The following STARD3 variants were observed in gnomAD, a reference collection of about 807,000 sequenced individuals.
STARD3 encodes the protein stAR-related lipid transfer protein 3.
A neutral mutation model predicts 62.0 loss-of-function variants in STARD3; 39 were observed. The observed-to-expected ratio is 0.63, with a 90% CI of 0.49 to 0.82. STARD3 has a LOEUF of 0.82. Ranked by LOEUF, STARD3 falls within the 40% of genes least tolerant of loss-of-function variation. The pLI is 0.00. For synonymous variants in STARD3, 229 were observed against 242.4 expected (o/e 0.94, Z 0.51); for missense variants, 543 against 584.5 (o/e 0.93, Z 0.73).
chr17:39,651,872 C>G (rs1021979969), intron 1 of STARD3: 1 of 152,302 alleles, frequency 6.6e-6, no homozygotes, highest in South Asian at 2.1e-4. Flanking sequence ...CCGGCTTCCT[C>G]TCTGACTTTC....
Position 39,660,941 on chromosome 17 carries a change from C to G in STARD3, c.1035-40C>G. On this transcript the variant is annotated intron_variant, in intron 12 of 14. Transcript: ENST00000336308. The surrounding 1 kb of genome is among the most constrained non-coding windows in gnomAD (Gnocchi z 4.8). ...TCAGCCAGGTCTTCTGCACTTTGGCCTTGGGTCATTGTCCCCTGAACTAAC... is the reference window on the plus strand; with the variant it reads ...TCAGCCAGGTCTTCTGCACTTTGGCGTTGGGTCATTGTCCCCTGAACTAAC... 1 of 1,611,422 alleles carries G rather than the reference C, an allele frequency of 6.2e-7. No individual in the cohort carries two copies. The highest frequency in any genetic ancestry group is 8.5e-7 in the Non-Finnish European group (1 of 1,178,132).
rs556723011 is a variant in STARD3 at position 39,645,066 on chromosome 17, G to A, written c.-52+7835G>A. ...AATTGGAGGTGGGTGAGTGGGAGGC[G>A]GCTTAGCCATCCTGCTGTCCTCCTC... On this transcript the variant is annotated intron_variant, in intron 1 of 14. Transcript: ENST00000336308. Among the ~76,000 whole-genome samples the A allele has an allele frequency of 7.9e-5, 12 of 152,264 alleles. No individual in the cohort carries two copies. The South Asian group carries it at 2.1e-3, about 26-fold the overall frequency.
At chr17:39,653,798 G>A (rs2057101236) in intron 2 of STARD3, 48 bp downstream of exon 2, 1 of 1,606,996 alleles carries the variant, frequency 6.2e-7, no homozygotes, top group Non-Finnish European at 8.5e-7. Flanking sequence ...AGGCCACCCG[G>A]GCCTCAGTTT....
chr17:39,662,390 G>A, intron 14 of STARD3, 46 bp downstream of exon 14: 2 of 1,572,210 alleles, frequency 1.3e-6, no homozygotes, highest in Non-Finnish European at 1.7e-6. Context: ...GAGTGGAGGG[G>A]ACCCTGCTGC....
chr17:39,657,985 G>C lies in STARD3; in HGVS notation c.388G>C (p.Val130Leu), dbSNP rs1192716707. ...HWWVIAVTTL[V>L]SSAFLIVKVI... ...CTCCCCTGGGCAGGTCACGACGCTG[G>C]TGTCCAGTGCATTCCTCATTGTCAA... The change falls in exon 5 of 15, where the codon GTG (valine) becomes CTG (leucine). Residue 130 changes from valine to leucine, a missense_variant. Transcript: ENST00000336308. The C allele has an allele frequency of 6.3e-7, 1 of 1,579,832 alleles. No homozygotes were observed. Among genetic ancestry groups the C allele is most frequent in the African/African-American group, 1.3e-5 (1 of 74,524 alleles).
At chr17:39,644,695 GAA>G (rs2057009659) in intron 1 of STARD3, among the ~76,000 whole-genome samples, 3 of 147,618 alleles carry the variant, frequency 2.0e-5, no homozygotes, top group Non-Finnish European at 3.0e-5. Flanking sequence ...AAAAGAAGAA[GAA>G]AAGAAAAGAA....
In STARD3 at chr17:39,663,104, C is replaced by A; in HGVS notation, c.*196C>A. 1.9e-6 allele frequency: 1 copy of A among 530,118 alleles called. No individual in the cohort carries two copies. The highest frequency in any genetic ancestry group is 3.2e-6 in the Non-Finnish European group (1 of 308,536). 32.8% of individuals were successfully genotyped at this position (530,118 alleles called of 1,614,324 possible). On this transcript the variant is annotated 3_prime_UTR_variant, in exon 15 of 15. Coordinates refer to ENST00000336308, the MANE Select transcript of STARD3 (RefSeq NM_006804.4). ...GCACTGGACTCCGGGGCCCCACTGGCTGGAGGAAGTGGGGTCTGGCCTGTT... is the reference window on the plus strand; with the variant it reads ...GCACTGGACTCCGGGGCCCCACTGGATGGAGGAAGTGGGGTCTGGCCTGTT...
intron 1 of STARD3, chr17:39,653,100 T>G: frequency 5.1e-6 from 1 of 195,414 alleles, no homozygotes; most frequent in Non-Finnish European, 1.1e-5. Context: ...CTCCTGGGGG[T>G]GGTGGCAGGC....
rs45526035 is a variant in STARD3 at position 39,663,907 on chromosome 17, A to G, written c.*999A>G. On this transcript the variant is annotated 3_prime_UTR_variant, in exon 15 of 15. Coordinates refer to ENST00000336308, the MANE Select transcript of STARD3 (RefSeq NM_006804.4). The stretch of plus-strand genomic sequence containing the variant: ...CGGACCTCCCAGACTCCACTCACCC[A>G]TTCCCTCTCCCCGCACGGCACTCAC... Among the ~76,000 whole-genome samples, 1,295 of 151,942 alleles carry G rather than the reference A, an allele frequency of 8.5e-3. 21 individuals are homozygous for G. The highest frequency in any genetic ancestry group is 0.03 in the African/African-American group (1,247 of 41,418).
chr17:39,663,020 A>G lies in STARD3; in HGVS notation c.*112A>G, dbSNP rs781485473. 7.4e-6 allele frequency: 8 copies of G among 1,085,240 alleles called. No homozygotes were observed. The East Asian group carries it at 2.2e-4, about 30-fold the overall frequency. The allele number at this position is 1,085,240 out of a possible 1,614,324, so 67.2% of individuals were successfully genotyped here. Reference sequence around the variant, plus strand: ...ACATGGGACCTGGCCCCAGGCTGTCACCCTCCACCGAGCCACGCAGTGCCT... The same window carrying G: ...ACATGGGACCTGGCCCCAGGCTGTCGCCCTCCACCGAGCCACGCAGTGCCT... On this transcript the variant is annotated 3_prime_UTR_variant, in exon 15 of 15. Transcript: ENST00000336308.
At chr17:39,644,552 G>A (rs1339334435) in intron 1 of STARD3, among the ~76,000 whole-genome samples, 2 of 151,726 alleles carry the variant, frequency 1.3e-5, no homozygotes, top group Admixed American at 1.3e-4. Flanking sequence ...ACAGACCTAG[G>A]CCAGGTATAA....
chr17:39,644,992 C>G (rs2057012247), intron 1 of STARD3, among the ~76,000 whole-genome samples: 1 of 152,184 alleles, frequency 6.6e-6, no homozygotes, highest in Non-Finnish European at 1.5e-5. Context: ...GAAGGGCTAG[C>G]AAGGAACCCT....
intron 1 of STARD3, among the ~76,000 whole-genome samples, chr17:39,645,173 G>A (rs950956708): frequency 6.6e-6 from 1 of 152,166 alleles, no homozygotes; most frequent in Non-Finnish European, 1.5e-5. Context: ...CAAGAGGAAG[G>A]AGTAGAGATC....
At chr17:39,659,162 CG>C in intron 8 of STARD3, 56 bp downstream of exon 8, 2 of 1,608,714 alleles carry the variant, frequency 1.2e-6, no homozygotes, top group Non-Finnish European at 1.7e-6. Context: ...TGGAGGAGGG[CG>C]GGTGCAGGGG....
chr17:39,642,861 G>A lies in STARD3; in HGVS notation c.-52+5630G>A, dbSNP rs1422920465. Among the ~76,000 whole-genome samples, 4 of 152,112 alleles carry A rather than the reference G, an allele frequency of 2.6e-5. No individual in the cohort carries two copies. In the East Asian group the frequency reaches 7.7e-4, roughly 29 times the overall value. On this transcript the variant is annotated intron_variant, in intron 1 of 14. Transcript: ENST00000336308. ...TCCCGACAGAGCAGCAGGTGCAAGG[G>A]CCCTGGGGTAGGAGCATGCTTGATG...
chr17:39,662,613 T>TA, intron 14 of STARD3, 191 bp from the exon 15 acceptor site: 1 of 642,166 alleles, frequency 1.6e-6, no homozygotes, highest in Non-Finnish European at 2.6e-6. Context: ...CTGGTCTGTT[T>TA]GTGTTGCTGG....
chr17:39,663,772 G>A lies in STARD3; in HGVS notation c.*864G>A, dbSNP rs1284591141. ...CTCTAGTCCAGGAATGGAGGTGGGG[G>A]TATGGGCACCTGGCAGTGCCCACAG... On this transcript the variant is annotated 3_prime_UTR_variant, in exon 15 of 15. Coordinates refer to ENST00000336308, the MANE Select transcript of STARD3 (RefSeq NM_006804.4). Among the ~76,000 whole-genome samples the A allele has an allele frequency of 6.6e-6, 1 of 152,174 alleles. No homozygotes were observed. Among genetic ancestry groups the A allele is most frequent in the Non-Finnish European group, 1.5e-5 (1 of 68,022 alleles).
In STARD3 at chr17:39,653,634, C is replaced by T. The variant is rs768753466; in HGVS notation, c.103C>T (p.His35Tyr). The T allele has an allele frequency of 5.0e-6, 8 of 1,613,824 alleles. No homozygotes were observed. Among genetic ancestry groups the T allele is most frequent in the South Asian group, 1.1e-5 (1 of 91,094 alleles). Reference sequence around the variant, plus strand: ...GTCCCACAGCCAGAGCCTCTCCTCGCACCTCCTTCCGCCGCCTGAGAAGCG... The same window carrying T: ...GTCCCACAGCCAGAGCCTCTCCTCGTACCTCCTTCCGCCGCCTGAGAAGCG... ...SLSHSQSLSSHLLPPPEKRRA... is the reference protein window; with the variant it reads ...SLSHSQSLSSYLLPPPEKRRA... The change falls in exon 2 of 15, where the codon CAC (histidine) becomes TAC (tyrosine). Residue 35 changes from histidine to tyrosine, a missense_variant. Physicochemically the swap from His to Tyr is moderately conservative, Grantham distance 83 (BLOSUM62 2). Transcript: ENST00000336308.
rs2057220059 is a variant in STARD3, at chr17:39,663,113, G to A, written c.*205G>A. ...TCCGGGGCCCCACTGGCTGGAGGAA[G>A]TGGGGTCTGGCCTGTTGATGTTTAC... On this transcript the variant is annotated 3_prime_UTR_variant, in exon 15 of 15. Coordinates refer to ENST00000336308, the MANE Select transcript of STARD3 (RefSeq NM_006804.4). 1 of 518,046 alleles carries A rather than the reference G, an allele frequency of 1.9e-6. No individual in the cohort carries two copies. Among genetic ancestry groups the A allele is most frequent in the South Asian group, 2.8e-5 (1 of 35,338 alleles). The allele number at this position is 518,046 out of a possible 1,614,324, so 32.1% of individuals were successfully genotyped here.
Sources: gnomAD v4.1 joint callset for allele counts (sites outside exome capture counted in the v4.1 genomes callset) on GRCh38, gnomAD v4.1.1 for gene constraint, Gnocchi (gnomAD v3.1) non-coding constraint, MANE v1.5 for transcripts, NCBI Gene and HGNC (gene_info 2026-07-23, HGNC 2026-07-21) for gene names.